Variants in DPP6 observed in about 807,000 individuals in gnomAD.
DPP6 encodes A-type potassium channel modulatory protein DPP6.
A neutral mutation model predicts 122.6 loss-of-function variants in DPP6; 69 were observed. The ratio of observed to expected loss-of-function variants is 0.56; its 90% CI spans 0.46 to 0.69. The LOEUF (loss-of-function observed/expected upper bound fraction) is 0.69. Among genes scored for constraint, DPP6 ranks in the 30% least tolerant of loss-of-function variants. The probability of loss-of-function intolerance (pLI) is 0.00; values close to 1 mark genes in which losing one functional copy is unlikely to be tolerated. For missense variants in DPP6, 928 were observed against 1,116.9 expected, an observed-to-expected ratio of 0.83 and a Z score of 2.41; for synonymous variants, 418 against 433.1, an observed-to-expected ratio of 0.97 and a Z score of 0.43.
intron 8 of DPP6, among the ~76,000 whole-genome samples, chr7:154,751,709 T>C (rs1486328059): frequency 6.6e-6 from 1 of 151,868 alleles, no homozygotes; most frequent in Non-Finnish European, 1.5e-5. Context: ...GACAGACACA[T>C]GTCCAGAACA....
chr7:153,883,527 C>A (rs558339577), upstream of DPP6, among the ~76,000 whole-genome samples: 167 of 152,238 alleles, frequency 1.1e-3, no homozygotes, highest in African/African-American at 3.8e-3. Context: ...TTACAGGTGT[C>A]CACCACCATG....
chr7:154,700,280 T>C (rs1282217273), intron 7 of DPP6, among the ~76,000 whole-genome samples: 1 of 152,200 alleles, frequency 6.6e-6, no homozygotes, highest in Non-Finnish European at 1.5e-5. Flanking sequence ...GGTGTAGGCA[T>C]TGAAAGAAGC....
At chr7:154,090,981 CGTG>C (rs1804780915) in intron 1 of DPP6, among the ~76,000 whole-genome samples, 1 of 150,846 alleles carries the variant, frequency 6.6e-6, no homozygotes, top group Admixed American at 6.6e-5. Context: ...ATTAGCCAGG[CGTG>C]GTGGCGGGTG....
At chr7:154,373,233 A>G (rs1002703629) in intron 1 of DPP6, among the ~76,000 whole-genome samples, 9 of 152,234 alleles carry the variant, frequency 5.9e-5, no homozygotes, top group Non-Finnish European at 8.8e-5. Context: ...GAAGGTTCAC[A>G]GTCTGTGTAG....
chr7:154,721,761 G>A (rs1484068740), intron 7 of DPP6, among the ~76,000 whole-genome samples: 1 of 152,164 alleles, frequency 6.6e-6, no homozygotes, highest in Non-Finnish European at 1.5e-5. Context: ...TTTTTTATAA[G>A]GGAGACAGTA....
At chr7:154,057,579 T>G (rs899510888) in intron 1 of DPP6, 4 of 150,756 alleles carry the variant, frequency 2.7e-5, no homozygotes, top group African/African-American at 1.0e-4. Context: ...TACCGGAGCT[T>G]AAGGGCAGAA....
At chr7:154,114,629 A>C (rs895409339) in intron 1 of DPP6, among the ~76,000 whole-genome samples, 1 of 152,188 alleles carries the variant, frequency 6.6e-6, no homozygotes, top group Non-Finnish European at 1.5e-5. Flanking sequence ...GAGCTAAGGC[A>C]CATCCAACTC....
At chr7:154,351,394 G>A (rs933531901) in intron 1 of DPP6, among the ~76,000 whole-genome samples, 25 of 152,154 alleles carry the variant, frequency 1.6e-4, no homozygotes, top group African/African-American at 4.8e-4. Flanking sequence ...ACAGTGGGGA[G>A]GCCTTGGTCT....
rs142016716 is a variant in DPP6, at chr7:154,214,331, C to T, written c.243+161268C>T. Reference sequence around the variant, plus strand: ...AAGAAATGTGCTCTTGATGTGGAGCCTCCAGAAAAGGACTTGATGTGCTCA... The same window carrying T: ...AAGAAATGTGCTCTTGATGTGGAGCTTCCAGAAAAGGACTTGATGTGCTCA... On this transcript the variant is annotated intron_variant, in intron 1 of 25. Coordinates refer to ENST00000377770, the MANE Select transcript of DPP6 (RefSeq NM_130797.4). Among the ~76,000 whole-genome samples, 279 of 152,288 alleles carry T rather than the reference C, an allele frequency of 1.8e-3. 1 individual carries two copies. Among genetic ancestry groups the T allele is most frequent in the African/African-American group, 6.3e-3 (263 of 41,562 alleles).
intron 1 of DPP6, among the ~76,000 whole-genome samples, chr7:154,217,872 G>T (rs1293084937): frequency 6.6e-6 from 1 of 152,174 alleles, no homozygotes; most frequent in East Asian, 1.9e-4. Context: ...GCCCAAGCCT[G>T]GTCTGTCTCA....
At chr7:154,193,287 G>GA (rs370162697) in intron 1 of DPP6, among the ~76,000 whole-genome samples, 8 of 152,282 alleles carry the variant, frequency 5.3e-5, no homozygotes, top group Admixed American at 3.3e-4. Flanking sequence ...GAAGTGATAG[G>GA]AAAAAACAGC....
intron 4 of DPP6, among the ~76,000 whole-genome samples, chr7:154,562,876 A>G (rs936943601): frequency 3.3e-5 from 5 of 152,228 alleles, no homozygotes; most frequent in Non-Finnish European, 4.4e-5. Context: ...GAATAAATTT[A>G]CAAAATATGG....
At chr7:154,314,009 A>T (rs921421955) in intron 1 of DPP6, among the ~76,000 whole-genome samples, 4 of 152,000 alleles carry the variant, frequency 2.6e-5, no homozygotes, top group African/African-American at 9.7e-5. Context: ...AGCTGTAACA[A>T]CGTCTCAAAA....
chr7:153,822,335 G>A, the DPP6 span, among the ~76,000 whole-genome samples: 8 of 151,808 alleles, frequency 5.3e-5, no homozygotes, highest in African/African-American at 1.2e-4. Context: ...GACTACAGGC[G>A]CACGCCACCA....
chr7:154,544,336 C>T (rs1263900521), intron 4 of DPP6, among the ~76,000 whole-genome samples: 1 of 152,030 alleles, frequency 6.6e-6, no homozygotes, highest in African/African-American at 2.4e-5. Context: ...AATAAAAGCA[C>T]AGTTGTCCCC....
intron 1 of DPP6, among the ~76,000 whole-genome samples, chr7:153,905,579 A>T (rs988062728): frequency 6.6e-6 from 1 of 152,172 alleles, no homozygotes; most frequent in African/African-American, 2.4e-5. Context: ...AGTCATAATT[A>T]AAAATATTTC....
chr7:154,306,493 T>C (rs760927379), intron 1 of DPP6, among the ~76,000 whole-genome samples: 1 of 152,174 alleles, frequency 6.6e-6, no homozygotes, highest in African/African-American at 2.4e-5. Context: ...TATTTTAGGG[T>C]TGCTGTTGGA....
intron 1 of DPP6, among the ~76,000 whole-genome samples, chr7:154,298,608 GA>G (rs1321586323): frequency 1.3e-5 from 2 of 152,250 alleles, no homozygotes; most frequent in East Asian, 3.9e-4. Context: ...TTTAACCAAA[GA>G]AAAAATCATT....
At chr7:153,981,379 A>G (rs1260747401) in intron 1 of DPP6, among the ~76,000 whole-genome samples, 3 of 151,596 alleles carry the variant, frequency 2.0e-5, no homozygotes, top group African/African-American at 7.3e-5. Flanking sequence ...TGCTTTTTTT[A>G]CTTTCTATTT....
Sources: allele counts gnomAD v4.1 joint callset (sites outside exome capture counted in the v4.1 genomes callset), GRCh38; gene constraint gnomAD v4.1.1; transcripts MANE v1.5; gene names NCBI Gene and HGNC (gene_info 2026-07-23, HGNC 2026-07-21).